Variants in HELLS observed in about 807,000 individuals in gnomAD.
HELLS encodes helicase, lymphoid specific, also known as lymphoid-specific helicase.
Under a neutral mutation model 120.0 loss-of-function variants are expected in HELLS, and 32 were observed. That is an observed-to-expected ratio of 0.27 (90% CI 0.20 to 0.36). HELLS has a LOEUF of 0.36. Ranked by LOEUF, HELLS falls within the 10% of genes least tolerant of loss-of-function variation. The probability of loss-of-function intolerance (pLI) is 1.00; values close to 1 mark genes in which losing one functional copy is unlikely to be tolerated. For missense variants in HELLS, 650 were observed against 993.4 expected (o/e 0.65, Z 4.65); for synonymous variants, 341 against 323.4 (o/e 1.05, Z -0.58).
intron 12 of HELLS, 36 bp downstream of exon 12, chr10:94,583,095 C>A: frequency 1.6e-6 from 2 of 1,228,950 alleles, no homozygotes; most frequent in Non-Finnish European, 2.3e-6. Flanking sequence ...TAACCATAGG[C>A]TCGATAGAGT....
chr10:94,584,201 G>A (rs2134086985), intron 12 of HELLS: 1 of 491,210 alleles, frequency 2.0e-6, no homozygotes, highest in East Asian at 3.5e-5. Context: ...TTGACTATTG[G>A]TAGTTCCTTG....
chr10:94,562,301 G>A (rs1843597199), intron 4 of HELLS, among the ~76,000 whole-genome samples: 1 of 152,112 alleles, frequency 6.6e-6, no homozygotes, highest in South Asian at 2.1e-4. Context: ...TACTCTGGAG[G>A]CTGAAGCAGG....
At chr10:94,555,891 T>A (rs1166989832) in intron 3 of HELLS, among the ~76,000 whole-genome samples, 2 of 152,230 alleles carry the variant, frequency 1.3e-5, no homozygotes, top group Non-Finnish European at 2.9e-5. Context: ...CCTCCCAAAG[T>A]GCTGGGATTA....
chr10:94,558,280 GTTTAAT>G (rs1039553786), intron 4 of HELLS, 85 bp downstream of exon 4: 17 of 1,432,234 alleles, frequency 1.2e-5, no homozygotes, highest in Non-Finnish European at 1.5e-5. Context: ...TTGATCATCT[GTTTAAT>G]TTTAAGTTTC....
At chr10:94,569,523 A>G (rs1209000766) in intron 6 of HELLS, 2 of 152,124 alleles carry the variant, frequency 1.3e-5, no homozygotes, top group East Asian at 3.9e-4. Flanking sequence ...CAGTTACCAC[A>G]CTTTTGAAAG....
rs748625291 is a variant in HELLS at position 94,588,323 on chromosome 10, A to G, written c.1421A>G (p.Lys474Arg). The G allele has an allele frequency of 1.9e-6, 3 of 1,612,782 alleles. No homozygotes were observed. Among genetic ancestry groups the G allele is most frequent in the Non-Finnish European group, 2.5e-6 (3 of 1,179,104 alleles). The change falls in exon 13 of 22, where the codon AAG (lysine) becomes AGG (arginine). Residue 474 changes from lysine (K) to arginine (R), a missense_variant. Lys to Arg is a conservative substitution (Grantham distance 26, BLOSUM62 2). Coordinates refer to ENST00000348459, the MANE Select transcript of HELLS (RefSeq NM_018063.5). ...GTAGTCGTTTATGCTCCACTTTCAA[A>G]GAAGCAGGAGATCTTTTATACAGCC... ...REVVVYAPLS[K>R]KQEIFYTAIV...
chr10:94,590,567 G>T lies in HELLS; in HGVS notation c.1628+15G>T, dbSNP rs539203202. On this transcript the variant is annotated intron_variant, in intron 14 of 21. Transcript: ENST00000348459. ...GACCGAGAAAGGTTTGAATTCAAAA[G>T]TGAATTTAAGTATTCTTTAAACTGT... 1 of 1,610,570 alleles carries T rather than the reference G, an allele frequency of 6.2e-7. No individual in the cohort carries two copies.
At chr10:94,589,766 A>G (rs1186370375) in intron 13 of HELLS, among the ~76,000 whole-genome samples, 1 of 143,736 alleles carries the variant, frequency 7.0e-6, no homozygotes, top group Admixed American at 7.3e-5. Flanking sequence ...GGCTTACTGC[A>G]AGCTCCGCCT....
At chr10:94,560,507 C>T (rs1287021848) in intron 4 of HELLS, among the ~76,000 whole-genome samples, 1 of 151,724 alleles carries the variant, frequency 6.6e-6, no homozygotes, top group Non-Finnish European at 1.5e-5. Context: ...CCAGCCTGGT[C>T]AACATGATGA....
At chr10:94,611,587 T>C (rs1846194389) in exon 10 of HELLS, 1 of 152,210 alleles carries the variant, frequency 6.6e-6, no homozygotes, top group Admixed American at 6.5e-5. Flanking sequence ...AAGGGATTAT[T>C]TCTCTGAAGG....
rs568855112 is a variant in HELLS, at chr10:94,593,418, G to A, written c.1972-81G>A. On this transcript the variant is annotated intron_variant, in intron 17 of 21. Transcript: ENST00000348459. ...TCCTTTGTTTAAGTCTTTAATAGTT[G>A]TAATTGAAAACATTTTTCTCCTTCA... 2,172 of 829,994 alleles carry A rather than the reference G, an allele frequency of 2.6e-3. 6 individuals are homozygous for A. The highest frequency in any genetic ancestry group is 3.4e-3 in the Non-Finnish European group (1,647 of 487,142). The allele number at this position is 829,994 out of a possible 1,614,324, so 51.4% of individuals were successfully genotyped here.
Position 94,562,871 on chromosome 10 carries a change from A to G in HELLS, c.430A>G (p.Lys144Glu), listed in dbSNP as rs1375926971. Residue 144 changes from lysine (K) to glutamate (E), a missense_variant, in exon 6 of 22, where the codon AAA becomes GAA. By Grantham distance (56) the Lys-to-Glu change is moderately conservative. Transcript: ENST00000348459. ...ATACAATATTTCAGAGGTCATGTCAAAAGAGGTAAAAATAAAAGGGAGAGG... is the reference window on the plus strand; with the variant it reads ...ATACAATATTTCAGAGGTCATGTCAGAAGAGGTAAAAATAAAAGGGAGAGG... ...ESYNISEVMS[K>E]EEILSVAKKN... 6.4e-7 allele frequency: 1 copy of G among 1,562,780 alleles called. No homozygotes were observed. The highest frequency in any genetic ancestry group is 8.8e-7 in the Non-Finnish European group (1 of 1,142,108).
chr10:94,595,253 T>A (rs543028702), intron 19 of HELLS, among the ~76,000 whole-genome samples: 1 of 151,960 alleles, frequency 6.6e-6, no homozygotes, highest in South Asian at 2.1e-4. Context: ...AACAGCCTGA[T>A]ATGACAGGAT....
downstream of HELLS, among the ~76,000 whole-genome samples, chr10:94,606,981 A>G (rs938328174): frequency 6.6e-6 from 1 of 152,226 alleles, no homozygotes; most frequent in Non-Finnish European, 1.5e-5. Context: ...CTGTGTGAGT[A>G]TATGTACTTT....
At chr10:94,563,713 C>T (rs1589716606) in intron 6 of HELLS, among the ~76,000 whole-genome samples, 1 of 152,028 alleles carries the variant, frequency 6.6e-6, no homozygotes, top group African/African-American at 2.4e-5. Context: ...TGCTCTTGAA[C>T]TCCTGGGTTC....
intron 8 of HELLS, 167 bp from the exon 9 acceptor site, chr10:94,574,387 C>T (rs1322865846): frequency 1.3e-5 from 9 of 703,142 alleles, no homozygotes; most frequent in Admixed American, 3.0e-5. Context: ...ACTTTTATGG[C>T]TTTGATAAAG....
chr10:94,594,848 C>A lies in HELLS; in HGVS notation c.2242C>A (p.His748Asn). ...AAGGAAACTGGAAAAGTTGATCATC[C>A]ATAAAAGTAAATAACACTTATGTAG... ...AKRKLEKLII[H>N]KNHFKGGQSG... Residue 748 changes from histidine (H) to asparagine (N), a missense_variant, in exon 19 of 22, where the codon CAT (histidine) becomes AAT (asparagine). This residue lies in a region of HELLS where 90 missense variants were observed against 109.2 expected (regional missense o/e 0.82). Transcript: ENST00000348459. The A allele has an allele frequency of 6.2e-7, 1 of 1,608,002 alleles. No homozygotes were observed. Among genetic ancestry groups the A allele is most frequent in the Non-Finnish European group, 8.5e-7 (1 of 1,175,338 alleles).
chr10:94,608,965 T>A (rs1298758813), intron 9 of HELLS, among the ~76,000 whole-genome samples: 1 of 149,142 alleles, frequency 6.7e-6, no homozygotes, highest in Non-Finnish European at 1.5e-5. Flanking sequence ...AATATAAACA[T>A]CTTGCAAGCG....
At chr10:94,560,895 A>G (rs529891360) in intron 4 of HELLS, among the ~76,000 whole-genome samples, 1 of 152,076 alleles carries the variant, frequency 6.6e-6, no homozygotes, top group South Asian at 2.1e-4. Flanking sequence ...GTCTCTACTA[A>G]AAATACAAAA....
Sources: gnomAD v4.1 joint callset for allele counts (sites outside exome capture counted in the v4.1 genomes callset) on GRCh38, gnomAD v4.1.1 for gene constraint, gnomAD v4.1.1 regional missense constraint, MANE v1.5 for transcripts, NCBI Gene and HGNC (gene_info 2026-07-23, HGNC 2026-07-21) for gene names.